FOXP2: variants seen among roughly 807,000 people sequenced by gnomAD.
The protein encoded by FOXP2 is forkhead box protein P2.
FOXP2 carries 12 observed loss-of-function variants against 115.8 expected under a neutral mutation model. That is an observed-to-expected ratio of 0.10 (90% CI 0.07 to 0.17). The LOEUF (loss-of-function observed/expected upper bound fraction) is 0.17, where lower values mean the gene tolerates loss of function less well. Ranked by LOEUF, FOXP2 falls within the 10% of genes least tolerant of loss-of-function variation. The probability of loss-of-function intolerance (pLI) is 1.00; values close to 1 mark genes in which losing one functional copy is unlikely to be tolerated. For synonymous variants in FOXP2, 328 were observed against 297.7 expected (o/e 1.10, Z -1.05); for missense variants, 629 against 843.5 (o/e 0.75, Z 3.15).
chr7:114,127,225 G>C (rs1791735280), intron 1 of FOXP2, among the ~76,000 whole-genome samples: 2 of 152,194 alleles, frequency 1.3e-5, no homozygotes, highest in Admixed American at 6.6e-5. Context: ...AAGTCAACAA[G>C]AGAGTCAATA....
chr7:114,281,682 CT>C (rs1297704390), intron 1 of FOXP2, among the ~76,000 whole-genome samples: 15 of 152,120 alleles, frequency 9.9e-5, no homozygotes, highest in Non-Finnish European at 1.8e-4. Context: ...GTATTTCCAA[CT>C]TGAAGCTAGA....
At chr7:114,611,541 A>G (rs1019249408) in intron 3 of FOXP2, among the ~76,000 whole-genome samples, 4 of 152,224 alleles carry the variant, frequency 2.6e-5, no homozygotes, top group African/African-American at 9.6e-5. Flanking sequence ...CATGAAGCTT[A>G]GGGAAAAACA....
intron 2 of FOXP2, among the ~76,000 whole-genome samples, chr7:114,341,509 C>T (rs1284289596): frequency 6.6e-6 from 1 of 151,148 alleles, no homozygotes; most frequent in Admixed American, 6.6e-5. Context: ...TAACAGCATG[C>T]CCAGGAGGAT....
chr7:114,308,580 C>T (rs934559853), intron 2 of FOXP2, among the ~76,000 whole-genome samples: 1 of 151,920 alleles, frequency 6.6e-6, no homozygotes, highest in Admixed American at 6.6e-5. Context: ...AGTGTGTAGA[C>T]CAAAAAGAGA....
At chr7:114,124,723 C>A (rs1791657572) in intron 1 of FOXP2, among the ~76,000 whole-genome samples, 1 of 151,986 alleles carries the variant, frequency 6.6e-6, no homozygotes, top group African/African-American at 2.4e-5. Context: ...CCTCTTTCCT[C>A]TTCCCAACCC....
At chr7:114,604,133 A>G (rs1001218799) in intron 3 of FOXP2, among the ~76,000 whole-genome samples, 1 of 152,164 alleles carries the variant, frequency 6.6e-6, no homozygotes, top group Admixed American at 6.5e-5. Flanking sequence ...GTCCAGGATC[A>G]AGGTGCTGGC....
chr7:114,096,115 C>G (rs1477173054), intron 1 of FOXP2, among the ~76,000 whole-genome samples: 1 of 152,180 alleles, frequency 6.6e-6, no homozygotes, highest in East Asian at 1.9e-4. Context: ...ATACATACTT[C>G]ATGAAGTGTG....
At chr7:114,463,540 G>C (rs1308212119) in intron 2 of FOXP2, among the ~76,000 whole-genome samples, 1 of 152,158 alleles carries the variant, frequency 6.6e-6, no homozygotes, top group Non-Finnish European at 1.5e-5. Context: ...CATTTAAAAT[G>C]TATTTGATTA....
chr7:114,171,447 C>T (rs973327196), intron 1 of FOXP2, among the ~76,000 whole-genome samples: 1 of 152,078 alleles, frequency 6.6e-6, no homozygotes, highest in African/African-American at 2.4e-5. Context: ...GTGTCATGTG[C>T]CTGTAGTCCC....
chr7:114,422,422 C>CA (rs1466989841), intron 1 of FOXP2, among the ~76,000 whole-genome samples: 1 of 151,670 alleles, frequency 6.6e-6, no homozygotes, highest in Non-Finnish European at 1.5e-5. Flanking sequence ...GATTATAAGA[C>CA]AGACTGTTTA....
intron 1 of FOXP2, among the ~76,000 whole-genome samples, chr7:114,186,970 G>C (rs1230176010): frequency 2.0e-5 from 3 of 152,138 alleles, no homozygotes; most frequent in African/African-American, 7.2e-5. Context: ...AGGCTCCCTG[G>C]GTTTCTCTTT....
chr7:114,228,858 GA>G (rs1459363322), intron 1 of FOXP2, among the ~76,000 whole-genome samples: 1 of 140,392 alleles, frequency 7.1e-6, no homozygotes, highest in Non-Finnish European at 1.5e-5. Flanking sequence ...CTACAAAACA[GA>G]AAGAAACAAC....
chr7:114,552,495 C>CT (rs1584886565), intron 3 of FOXP2, among the ~76,000 whole-genome samples: 1 of 152,038 alleles, frequency 6.6e-6, no homozygotes, highest in Non-Finnish European at 1.5e-5. Context: ...AAAAATTATC[C>CT]TTTTTTATGT....
chr7:114,437,475 C>G (rs180896097), intron 2 of FOXP2, among the ~76,000 whole-genome samples: 1 of 151,976 alleles, frequency 6.6e-6, no homozygotes, highest in Non-Finnish European at 1.5e-5. Context: ...TTGCAATAAC[C>G]GATTGCAGTA....
At chr7:114,568,275 T>C (rs1406320030) in intron 3 of FOXP2, among the ~76,000 whole-genome samples, 1 of 151,906 alleles carries the variant, frequency 6.6e-6, no homozygotes, top group Non-Finnish European at 1.5e-5. Flanking sequence ...AATAATTTGA[T>C]AGGAGTGTTT....
intron 1 of FOXP2, among the ~76,000 whole-genome samples, chr7:114,141,894 G>A (rs1004818731): frequency 6.6e-6 from 1 of 152,152 alleles, no homozygotes; most frequent in Non-Finnish European, 1.5e-5. Context: ...AAACACTTGG[G>A]TTATTTCTTA....
At chr7:114,533,897 A>T (rs1476968482) in intron 2 of FOXP2, among the ~76,000 whole-genome samples, 1 of 151,898 alleles carries the variant, frequency 6.6e-6, no homozygotes, top group African/African-American at 2.4e-5. Context: ...TTCTTATGTT[A>T]AGTTTTATTT....
At chr7:114,563,888 C>T (rs1213626675) in intron 3 of FOXP2, among the ~76,000 whole-genome samples, 1 of 152,164 alleles carries the variant, frequency 6.6e-6, no homozygotes, top group Non-Finnish European at 1.5e-5. Flanking sequence ...CTCTCTCACT[C>T]AGGTAATCGT....
intron 1 of FOXP2, among the ~76,000 whole-genome samples, chr7:114,197,819 G>A (rs909860585): frequency 1.3e-5 from 2 of 151,736 alleles, no homozygotes; most frequent in African/African-American, 2.4e-5. Context: ...TGAAAGAATG[G>A]TATAGTTACA....
Sources: gnomAD v4.1 joint callset for allele counts (sites outside exome capture counted in the v4.1 genomes callset) on GRCh38, gnomAD v4.1.1 for gene constraint, MANE v1.5 for transcripts, NCBI Gene and HGNC (gene_info 2026-07-23, HGNC 2026-07-21) for gene names.